ABL1: variants seen among roughly 807,000 people sequenced by gnomAD.
ABL1 encodes tyrosine-protein kinase ABL1.
ABL1 carries 11 observed loss-of-function variants against 94.7 expected under a neutral mutation model. The ratio of observed to expected loss-of-function variants is 0.12; its 90% CI spans 0.07 to 0.19. ABL1 has a LOEUF of 0.19. Ranked by LOEUF, ABL1 falls within the 10% of genes least tolerant of loss-of-function variation. ABL1 has a pLI of 1.00. For synonymous variants in ABL1, 656 were observed against 622.4 expected (o/e 1.05, Z -0.80); for missense variants, 1,082 against 1,489.4 (o/e 0.73, Z 4.50).
At chr9:130,790,691 T>C (rs976816496) in intron 1 of ABL1, among the ~76,000 whole-genome samples, 3 of 151,680 alleles carry the variant, frequency 2.0e-5, no homozygotes. Context: ...CCAGGCTGGG[T>C]TTGAACTCAT....
intron 1 of ABL1, among the ~76,000 whole-genome samples, chr9:130,741,855 G>A (rs1395818546): frequency 4.0e-5 from 6 of 151,270 alleles, no homozygotes; most frequent in Non-Finnish European, 8.8e-5. Context: ...TAAGAACAAC[G>A]TACTGAAAAG....
At chr9:130,844,263 G>T (rs1410882425) in intron 1 of ABL1, among the ~76,000 whole-genome samples, 1 of 152,184 alleles carries the variant, frequency 6.6e-6, no homozygotes, top group Non-Finnish European at 1.5e-5. Context: ...CAAGGGCGTG[G>T]TAGAGCATGG....
chr9:130,737,935 A>G (rs746759741), intron 1 of ABL1, among the ~76,000 whole-genome samples: 2 of 150,944 alleles, frequency 1.3e-5, no homozygotes, highest in Non-Finnish European at 2.9e-5. Context: ...GGTTCAAGAT[A>G]TTCTCCTGCC....
intron 4 of ABL1, among the ~76,000 whole-genome samples, chr9:130,867,648 T>C (rs73656061): frequency 0.05 from 7,600 of 152,146 alleles, 360 homozygotes; most frequent in African/African-American, 0.12. Context: ...AGGAAATGGG[T>C]GTTAGTTGGG....
intron 1 of ABL1, among the ~76,000 whole-genome samples, chr9:130,761,581 A>G (rs1306571663): frequency 6.6e-6 from 1 of 152,188 alleles, no homozygotes; most frequent in East Asian, 1.9e-4. Flanking sequence ...AAAGCTGTTG[A>G]CCTTCATCAA....
intron 1 of ABL1, among the ~76,000 whole-genome samples, chr9:130,822,439 CTTTTTTT>C (rs35922505): frequency 2.8e-3 from 291 of 104,392 alleles, no homozygotes; most frequent in African/African-American, 0.011. Flanking sequence ...CCCGCCCCTG[CTTTTTTT>C]TTTTTTTTTT....
At chr9:130,853,114 C>G (rs1279001468) in intron 1 of ABL1, among the ~76,000 whole-genome samples, 2 of 149,502 alleles carry the variant, frequency 1.3e-5, no homozygotes, top group African/African-American at 2.5e-5. Context: ...GCGGAGAGGA[C>G]TGGGATAGAA....
intron 1 of ABL1, among the ~76,000 whole-genome samples, chr9:130,764,833 G>A (rs12551573): frequency 0.18 from 28,069 of 152,004 alleles, 3,299 homozygotes; most frequent in Middle Eastern, 0.37. Flanking sequence ...GCGCATGCCT[G>A]TAATCCCAGC....
At chr9:130,878,253 G>A (rs977016758) in intron 7 of ABL1, among the ~76,000 whole-genome samples, 162 bp from the exon 8 acceptor site, 5 of 152,198 alleles carry the variant, frequency 3.3e-5, no homozygotes, top group Non-Finnish European at 7.3e-5. Flanking sequence ...ACCCAGCCTT[G>A]TCCTGGTCTT....
At chr9:130,847,523 C>A (rs947906650) in intron 1 of ABL1, among the ~76,000 whole-genome samples, 2 of 152,060 alleles carry the variant, frequency 1.3e-5, no homozygotes, top group African/African-American at 4.8e-5. Context: ...TTAAGGTTGA[C>A]GAGCATAGTT....
chr9:130,725,807 G>A (rs1419655624), intron 1 of ABL1, among the ~76,000 whole-genome samples: 1 of 142,064 alleles, frequency 7.0e-6, no homozygotes, highest in Non-Finnish European at 1.5e-5. Context: ...ATCTGTTGGT[G>A]GAACTTGTGT....
At chr9:130,731,111 A>T (rs1395113291) in intron 1 of ABL1, among the ~76,000 whole-genome samples, 2 of 138,660 alleles carry the variant, frequency 1.4e-5, no homozygotes, top group Admixed American at 1.6e-4. Context: ...GGTTCAAGAG[A>T]TTCTCCTGCC....
intron 1 of ABL1, among the ~76,000 whole-genome samples, chr9:130,753,098 T>G (rs1014372075): frequency 6.8e-6 from 1 of 147,186 alleles, no homozygotes; most frequent in Non-Finnish European, 1.5e-5. Context: ...CTACCAAAAA[T>G]ACAAAAAAAT....
rs1830573870 is a variant in ABL1, at chr9:130,835,919, C to T, written c.79+394C>T. Among the ~76,000 whole-genome samples the T allele has an allele frequency of 1.3e-5, 2 of 152,354 alleles. No individual in the cohort carries two copies. Among genetic ancestry groups the T allele is most frequent in the African/African-American group, 4.8e-5 (2 of 41,586 alleles). On this transcript the variant is annotated intron_variant, in intron 1 of 10. Transcript: ENST00000318560. The surrounding 1 kb of genome is among the most constrained non-coding windows in gnomAD (Gnocchi z 4.6). ...CCCCGAAAAAGTTTGAGAAAGCCAA[C>T]TCGCCAGGCCTTAACATCCCTGGGA...
At chr9:130,806,939 A>C (rs1337545513) in intron 1 of ABL1, among the ~76,000 whole-genome samples, 1 of 152,158 alleles carries the variant, frequency 6.6e-6, no homozygotes, top group Non-Finnish European at 1.5e-5. Context: ...TCAGGAGGTC[A>C]GGAGTCCGAG....
At chr9:130,841,324 G>T (rs560420269) in intron 1 of ABL1, among the ~76,000 whole-genome samples, 8 of 151,364 alleles carry the variant, frequency 5.3e-5, no homozygotes, top group African/African-American at 1.5e-4. Flanking sequence ...AGCCAGGATG[G>T]TCTCCATCTC....
At chr9:130,798,767 G>A (rs922790084) in intron 1 of ABL1, among the ~76,000 whole-genome samples, 5 of 151,988 alleles carry the variant, frequency 3.3e-5, no homozygotes, top group African/African-American at 1.2e-4. Context: ...AGGAGTTTGA[G>A]ACCAACCTGG....
At chr9:130,844,682 T>G (rs919280270) in intron 1 of ABL1, among the ~76,000 whole-genome samples, 1 of 152,152 alleles carries the variant, frequency 6.6e-6, no homozygotes, top group African/African-American at 2.4e-5. Flanking sequence ...GCGCCTGTAA[T>G]CCTAGCTACT....
chr9:130,832,362 C>A (rs1351946941), upstream of ABL1, among the ~76,000 whole-genome samples: 1 of 151,708 alleles, frequency 6.6e-6, no homozygotes, highest in East Asian at 1.9e-4. Context: ...AGCTCTAGTT[C>A]CCTGAATTAT....
Sources: allele counts gnomAD v4.1 joint callset (sites outside exome capture counted in the v4.1 genomes callset), GRCh38; gene constraint gnomAD v4.1.1; non-coding constraint Gnocchi (gnomAD v3.1); transcripts MANE v1.5; gene names NCBI Gene and HGNC (gene_info 2026-07-23, HGNC 2026-07-21).